The following RNFT2 variants were observed in gnomAD, a reference collection of about 807,000 sequenced individuals.
RNFT2 encodes the protein ring finger protein, transmembrane 2.
Under a neutral mutation model 53.0 loss-of-function variants are expected in RNFT2, and 36 were observed. That is an observed-to-expected ratio of 0.68 (90% CI 0.52 to 0.90). The LOEUF is 0.90. Among genes scored for constraint, RNFT2 ranks in the 40% least tolerant of loss-of-function variants. RNFT2 has a pLI of 0.00. For missense variants in RNFT2, 514 were observed against 585.6 expected (o/e 0.88, Z 1.26); for synonymous variants, 260 against 253.2 (o/e 1.03, Z -0.26).
chr12:116,841,823 AT>A (rs1877294576), intron 10 of RNFT2, among the ~76,000 whole-genome samples: 1 of 39,890 alleles, frequency 2.5e-5, no homozygotes, highest in Admixed American at 2.4e-4. Flanking sequence ...ATATAAAAAT[AT>A]ATATATATAA....
chr12:116,826,282 G>T (rs78204217), intron 7 of RNFT2, among the ~76,000 whole-genome samples: 1 of 151,694 alleles, frequency 6.6e-6, no homozygotes, highest in African/African-American at 2.4e-5. Flanking sequence ...AATAGAATCC[G>T]CCTTCCCAAC....
Position 116,849,539 on chromosome 12 carries a change from C to T in RNFT2, c.*91C>T, listed in dbSNP as rs1877804267. The T allele has an allele frequency of 1.4e-6, 2 of 1,459,828 alleles. No homozygotes were observed. The highest frequency in any genetic ancestry group is 9.1e-7 in the Non-Finnish European group (1 of 1,102,058). 90.4% of individuals were successfully genotyped at this position (1,459,828 alleles called of 1,614,324 possible). A position where few individuals can be genotyped will look rare whatever the true frequency, so the allele number is the denominator to read the frequency against. ...GGCTTCCTGAGAAACAGGCCTCAAG[C>T]ACTTACATCCTGCCTCTTGCCCTCC... On this transcript the variant is annotated 3_prime_UTR_variant, in exon 11 of 11. Coordinates refer to ENST00000257575, the MANE Select transcript of RNFT2 (RefSeq NM_001382266.1).
At chr12:116,765,556 G>A (rs1872871675) in intron 5 of RNFT2, among the ~76,000 whole-genome samples, 1 of 152,160 alleles carries the variant, frequency 6.6e-6, no homozygotes, top group African/African-American at 2.4e-5. Flanking sequence ...GGCACGAGCT[G>A]TTGAGAATCA....
chr12:116,852,434 C>G lies in RNFT2; in HGVS notation c.*2986C>G, dbSNP rs1320718257. On this transcript the variant is annotated 3_prime_UTR_variant, in exon 11 of 11. Transcript: ENST00000257575. ...CTGGTACCCAGCAAGACGTCTGTTC[C>G]AGGGCAGTGTAGCATCTTTCAAGCT... 9 of 1,398,478 alleles carry G rather than the reference C, an allele frequency of 6.4e-6. No individual in the cohort carries two copies. Among genetic ancestry groups the G allele is most frequent in the Non-Finnish European group, 7.4e-6 (8 of 1,075,760 alleles). 86.6% of individuals were successfully genotyped at this position (1,398,478 alleles called of 1,614,324 possible). A position where few individuals can be genotyped will look rare whatever the true frequency, so the allele number is the denominator to read the frequency against.
chr12:116,743,244 ACC>A lies in RNFT2; in HGVS notation c.83+2151_83+2152del, dbSNP rs1491408037. Among the ~76,000 whole-genome samples the A allele has an allele frequency of 9.0e-3, 550 of 61,332 alleles. 132 individuals carry two copies. The highest frequency in any genetic ancestry group is 0.019 in the African/African-American group (235 of 12,186). The allele number at this position is 61,332 out of a possible 152,430, so 40.2% of individuals were successfully genotyped here. Reference sequence around the variant, plus strand: ...AAAAAAAAAAAAAAAAAAAAAAAAAACCGGTTAAAAAACACTCATGAGCTAGA... The same window carrying A: ...AAAAAAAAAAAAAAAAAAAAAAAAAAGGTTAAAAAACACTCATGAGCTAGA... On this transcript the variant is annotated intron_variant, in intron 3 of 10. Coordinates refer to ENST00000257575, the MANE Select transcript of RNFT2 (RefSeq NM_001382266.1).
Position 116,790,654 on chromosome 12 carries a change from G to A in RNFT2, c.882+11306G>A, listed in dbSNP as rs141842063. 2.8e-3 allele frequency among the ~76,000 whole-genome samples: 428 copies of A among 152,216 alleles called. 3 individuals carry two copies. The highest frequency in any genetic ancestry group is 8.4e-3 in the African/African-American group (349 of 41,538). On this transcript the variant is annotated intron_variant, in intron 7 of 10. Transcript: ENST00000257575. ...GTTTTCTTATTGAGATACAATTCAC[G>A]TAACATAAAATTAACCATTAGGCTG...
At chr12:116,769,185 CCT>C (rs1267272824) in intron 6 of RNFT2, among the ~76,000 whole-genome samples, 2 of 152,094 alleles carry the variant, frequency 1.3e-5, no homozygotes, top group African/African-American at 4.8e-5. Context: ...TAGTGAAACC[CCT>C]GTCTCTACTA....
chr12:116,750,886 TA>T (rs1872206601), intron 4 of RNFT2, among the ~76,000 whole-genome samples: 1 of 4,590 alleles, frequency 2.2e-4, no homozygotes, highest in African/African-American at 3.5e-4. Flanking sequence ...ATATATTATA[TA>T]TATAATATAT....
chr12:116,803,177 G>A (rs544074520), intron 7 of RNFT2, among the ~76,000 whole-genome samples: 59 of 152,230 alleles, frequency 3.9e-4, no homozygotes, highest in African/African-American at 1.3e-3. Flanking sequence ...TCTCATGAGC[G>A]ACATTCACAA....
At chr12:116,767,124 A>G (rs1282931811) in intron 6 of RNFT2, among the ~76,000 whole-genome samples, 2 of 152,334 alleles carry the variant, frequency 1.3e-5, no homozygotes, top group Non-Finnish European at 2.9e-5. Flanking sequence ...AACATCTTCT[A>G]GTTACTGAAA....
At chr12:116,775,281 AG>A (rs1383425494) in intron 6 of RNFT2, among the ~76,000 whole-genome samples, 66 of 106,668 alleles carry the variant, frequency 6.2e-4, no homozygotes, top group Non-Finnish European at 1.2e-3. Context: ...AAAAAAAAAG[AG>A]AGAGAGAAGA....
intron 7 of RNFT2, among the ~76,000 whole-genome samples, chr12:116,788,428 C>T (rs71469780): frequency 6.6e-6 from 1 of 152,190 alleles, no homozygotes; most frequent in Non-Finnish European, 1.5e-5. Flanking sequence ...AGAGCCTTCC[C>T]TCTTTCTCAT....
chr12:116,756,539 G>C (rs57921806), intron 5 of RNFT2, among the ~76,000 whole-genome samples: 6,084 of 152,086 alleles, frequency 0.04, 397 homozygotes, highest in African/African-American at 0.14. Flanking sequence ...AATCATAAAG[G>C]GATGCTGGAT....
chr12:116,746,866 G>C (rs1288307531), intron 3 of RNFT2, among the ~76,000 whole-genome samples: 6 of 152,204 alleles, frequency 3.9e-5, no homozygotes, highest in African/African-American at 7.2e-5. Flanking sequence ...ATCAAATACA[G>C]TCAGCCCTCC....
intron 5 of RNFT2, among the ~76,000 whole-genome samples, chr12:116,762,556 G>A (rs537773807): frequency 6.6e-6 from 1 of 151,738 alleles, no homozygotes; most frequent in South Asian, 2.1e-4. Context: ...GGGCAACATA[G>A]CAAGACCCCT....
At chr12:116,746,279 G>A (rs1003104726) in intron 3 of RNFT2, among the ~76,000 whole-genome samples, 3 of 152,104 alleles carry the variant, frequency 2.0e-5, no homozygotes, top group Non-Finnish European at 4.4e-5. Context: ...GTAACTTCAG[G>A]TGCTGGGGCC....
chr12:116,785,725 T>G (rs1340006242), intron 7 of RNFT2, among the ~76,000 whole-genome samples: 1 of 152,178 alleles, frequency 6.6e-6, no homozygotes, highest in African/African-American at 2.4e-5. Context: ...TCCTGCCCTG[T>G]GCCTTCTGGT....
chr12:116,788,857 A>T (rs1165993274), intron 7 of RNFT2, among the ~76,000 whole-genome samples: 1 of 135,694 alleles, frequency 7.4e-6, no homozygotes, highest in African/African-American at 3.5e-5. Flanking sequence ...GATAAATGGG[A>T]GGAGAGTGGA....
chr12:116,742,980 C>A lies in RNFT2; in HGVS notation c.83+1886C>A, dbSNP rs1166760636. Among the ~76,000 whole-genome samples, 2 of 144,422 alleles carry A rather than the reference C, an allele frequency of 1.4e-5. 1 individual carries two copies. The highest frequency in any genetic ancestry group is 4.2e-4 in the East Asian group (2 of 4,808). 94.7% of individuals were successfully genotyped at this position (144,422 alleles called of 152,430 possible). On this transcript the variant is annotated intron_variant, in intron 3 of 10. Transcript: ENST00000257575. ...TCTGTGGTCCTAGTTATGCAGGAGG[C>A]AGAGGTGGGAGGATTGCTTGAGCCC...
Sources: allele counts gnomAD v4.1 joint callset (sites outside exome capture counted in the v4.1 genomes callset), GRCh38; gene constraint gnomAD v4.1.1; transcripts MANE v1.5; gene names NCBI Gene and HGNC (gene_info 2026-07-23, HGNC 2026-07-21).